ANGPT1: variants seen among roughly 807,000 people sequenced by gnomAD.
ANGPT1 encodes the protein angiopoietin 1, also known as angiopoietin-1.
In ANGPT1, 17 loss-of-function variants were observed where a neutral mutation model predicts 62.2. That is an observed-to-expected ratio of 0.27 (90% CI 0.19 to 0.41). ANGPT1 has a LOEUF of 0.41. ANGPT1 is among the 10% of genes least tolerant of loss of function. The probability of loss-of-function intolerance (pLI) is 1.00; values close to 1 mark genes in which losing one functional copy is unlikely to be tolerated. For synonymous variants in ANGPT1, 199 were observed against 198.9 expected (o/e 1.00, Z 0.00); for missense variants, 478 against 594.9 (o/e 0.80, Z 2.04).
intron 1 of ANGPT1, among the ~76,000 whole-genome samples, chr8:107,384,530 T>C (rs1816697510): frequency 6.6e-6 from 1 of 152,130 alleles, no homozygotes; most frequent in African/African-American, 2.4e-5. Flanking sequence ...AGTAAGTGCA[T>C]AGAACTGTTC....
chr8:107,336,306 G>T, intron 2 of ANGPT1, 35 bp from the exon 3 acceptor site: 1 of 1,553,868 alleles, frequency 6.4e-7, no homozygotes, highest in African/African-American at 1.4e-5. Flanking sequence ...TCAAACTTCA[G>T]TCACGAATCA....
intron 8 of ANGPT1, among the ~76,000 whole-genome samples, chr8:107,258,847 A>G (rs1813428764): frequency 6.6e-6 from 1 of 152,222 alleles, no homozygotes; most frequent in African/African-American, 2.4e-5. Flanking sequence ...ATATAAGTTC[A>G]TGCAAGAATC....
intron 1 of ANGPT1, among the ~76,000 whole-genome samples, chr8:107,394,272 A>G (rs967513824): frequency 6.6e-6 from 1 of 152,178 alleles, no homozygotes; most frequent in African/African-American, 2.4e-5. Flanking sequence ...GTTTTGATCA[A>G]TGCATTTTAG....
At chr8:107,351,619 A>C (rs1199777660) in intron 1 of ANGPT1, among the ~76,000 whole-genome samples, 1 of 151,928 alleles carries the variant, frequency 6.6e-6, no homozygotes, top group Non-Finnish European at 1.5e-5. Context: ...AAAAACATGC[A>C]TCACTAGAGG....
At chr8:107,281,934 A>G (rs1814015645) in intron 7 of ANGPT1, among the ~76,000 whole-genome samples, 1 of 151,988 alleles carries the variant, frequency 6.6e-6, no homozygotes, top group Non-Finnish European at 1.5e-5. Context: ...CAGAGGGACG[A>G]GACATGAATG....
intron 1 of ANGPT1, among the ~76,000 whole-genome samples, chr8:107,463,844 A>G (rs1261385459): frequency 1.3e-5 from 2 of 152,176 alleles, no homozygotes; most frequent in Non-Finnish European, 2.9e-5. Context: ...GTAGACATGT[A>G]GAATACATTA....
chr8:107,354,984 C>T (rs988315614), intron 1 of ANGPT1, among the ~76,000 whole-genome samples: 34 of 150,576 alleles, frequency 2.3e-4, no homozygotes, highest in African/African-American at 8.1e-4. Context: ...AATCTCAGCT[C>T]GCTGCAACCT....
intron 7 of ANGPT1, among the ~76,000 whole-genome samples, chr8:107,265,542 T>C (rs945794617): frequency 6.6e-6 from 1 of 152,208 alleles, no homozygotes; most frequent in African/African-American, 2.4e-5. Flanking sequence ...CAAGGTGTTC[T>C]CTGGCTAAGA....
At chr8:107,440,484 A>C (rs77572649) in intron 1 of ANGPT1, among the ~76,000 whole-genome samples, 6,993 of 152,256 alleles carry the variant, frequency 0.046, 164 homozygotes, top group Middle Eastern at 0.068. Flanking sequence ...CATTCAGTAA[A>C]TACAAATATG....
intron 1 of ANGPT1, among the ~76,000 whole-genome samples, chr8:107,415,997 T>C (rs1363227393): frequency 6.6e-6 from 1 of 151,966 alleles, no homozygotes; most frequent in African/African-American, 2.4e-5. Flanking sequence ...TGGGATAATC[T>C]GAAGGGAAAA....
At chr8:107,280,203 T>C (rs1401723007) in intron 7 of ANGPT1, among the ~76,000 whole-genome samples, 1 of 151,536 alleles carries the variant, frequency 6.6e-6, no homozygotes, top group Non-Finnish European at 1.5e-5. Context: ...TCTTTCTTTT[T>C]TTATTTTTTT....
At chr8:107,382,672 T>C (rs115199276) in intron 1 of ANGPT1, among the ~76,000 whole-genome samples, 27 of 152,266 alleles carry the variant, frequency 1.8e-4, no homozygotes, top group African/African-American at 6.0e-4. Flanking sequence ...TTGGCTCTTG[T>C]AAGCCTATGC....
At chr8:107,320,811 T>C (rs1563567489) in intron 4 of ANGPT1, among the ~76,000 whole-genome samples, 1 of 152,058 alleles carries the variant, frequency 6.6e-6, no homozygotes, top group Non-Finnish European at 1.5e-5. Flanking sequence ...TAATATGGAG[T>C]TATCTTCCCT....
chr8:107,393,343 T>C (rs1018406683), intron 1 of ANGPT1, among the ~76,000 whole-genome samples: 2 of 152,158 alleles, frequency 1.3e-5, no homozygotes, highest in South Asian at 4.1e-4. Context: ...TTTTGGATGA[T>C]GGAAATGTCT....
intron 2 of ANGPT1, among the ~76,000 whole-genome samples, chr8:107,343,336 G>A (rs2130145163): frequency 6.6e-6 from 1 of 152,296 alleles, no homozygotes; most frequent in East Asian, 1.9e-4. Flanking sequence ...AAAGAGGAGA[G>A]GGAAGGAAGA....
intron 7 of ANGPT1, among the ~76,000 whole-genome samples, chr8:107,266,843 C>T (rs914743307): frequency 6.6e-5 from 10 of 152,060 alleles, no homozygotes; most frequent in African/African-American, 2.4e-4. Flanking sequence ...TACCCTTTCA[C>T]ATAAGATTTA....
In ANGPT1 at chr8:107,494,849, A is replaced by C. The variant is rs570439794; in HGVS notation, c.297+2413T>G. ...AACCTTTCCTGATAGCGATGCCATG[A>C]GCTGCATAATAATCACTATGCTTTG... is the stretch of plus-strand genomic sequence containing the variant. On this transcript the variant is annotated intron_variant, in intron 1 of 8. Transcript: ENST00000517746. 8.5e-5 allele frequency: 13 copies of C among 152,334 alleles called. No individual in the cohort carries two copies. In the East Asian group the frequency reaches 2.5e-3, roughly 29 times the overall value. The allele number at this position is 152,334 out of a possible 1,614,324, so 9.4% of individuals were successfully genotyped here.
chr8:107,314,538 A>C (rs1814968786), intron 4 of ANGPT1, among the ~76,000 whole-genome samples: 1 of 152,224 alleles, frequency 6.6e-6, no homozygotes, highest in South Asian at 2.1e-4. Flanking sequence ...AAAAGGAGAA[A>C]TATACCATTT....
At chr8:107,396,538 T>TTTTG (rs1816939453) in intron 1 of ANGPT1, among the ~76,000 whole-genome samples, 1 of 147,294 alleles carries the variant, frequency 6.8e-6, no homozygotes, top group Non-Finnish European at 1.5e-5. Context: ...TTTTTTTTTT[T>TTTTG]TGAGAGAGGG....
Sources: allele counts gnomAD v4.1 joint callset (sites outside exome capture counted in the v4.1 genomes callset), GRCh38; gene constraint gnomAD v4.1.1; transcripts MANE v1.5; gene names NCBI Gene and HGNC (gene_info 2026-07-23, HGNC 2026-07-21).